Variants in FAF1 observed in about 807,000 individuals in gnomAD.
FAF1 encodes FAS-associated factor 1.
In FAF1, 25 loss-of-function variants were observed where a neutral mutation model predicts 92.5. The ratio of observed to expected loss-of-function variants is 0.27; its 90% CI spans 0.20 to 0.38. The LOEUF (loss-of-function observed/expected upper bound fraction) is 0.38, where lower values mean the gene tolerates loss of function less well. Ranked by LOEUF, FAF1 falls within the 10% of genes least tolerant of loss-of-function variation. FAF1 has a pLI of 1.00. For missense variants in FAF1, 636 were observed against 793.3 expected (o/e 0.80, Z 2.38); for synonymous variants, 234 against 273.2 (o/e 0.86, Z 1.42).
chr1:50,491,857 G>T, intron 15 of FAF1, 56 bp from the exon 16 acceptor site: 1 of 1,365,412 alleles, frequency 7.3e-7, no homozygotes, highest in Non-Finnish European at 1.0e-6. Flanking sequence ...TGAAAAAAAA[G>T]AGAAAAAAAA....
Position 50,754,401 on chromosome 1 carries a change from C to T in FAF1, c.368-9626G>A, listed in dbSNP as rs74080072. On this transcript the variant is annotated intron_variant, in intron 4 of 18. Coordinates refer to ENST00000396153, the MANE Select transcript of FAF1 (RefSeq NM_007051.3). ...CTTCTGAGTAGTGTAACCAAAGCCA[C>T]ATGAATTATGAGGTTTTCCAATCTA... Among the ~76,000 whole-genome samples, 1,220 of 152,290 alleles carry T rather than the reference C, an allele frequency of 8.0e-3. 14 individuals are homozygous for T. Among genetic ancestry groups the T allele is most frequent in the African/African-American group, 0.028 (1,178 of 41,556 alleles).
At chr1:50,564,092 A>G (rs1233063460) in intron 13 of FAF1, among the ~76,000 whole-genome samples, 1 of 152,190 alleles carries the variant, frequency 6.6e-6, no homozygotes, top group East Asian at 1.9e-4. Flanking sequence ...TACATACATG[A>G]GAGATCCACA....
At chr1:50,625,637 T>A (rs1455054011) in intron 8 of FAF1, among the ~76,000 whole-genome samples, 1 of 151,998 alleles carries the variant, frequency 6.6e-6, no homozygotes, top group Non-Finnish European at 1.5e-5. Flanking sequence ...AGAAATGATA[T>A]GCATAATGGC....
intron 6 of FAF1, among the ~76,000 whole-genome samples, chr1:50,738,438 C>T (rs1043117124): frequency 5.5e-4 from 67 of 122,352 alleles, no homozygotes; most frequent in African/African-American, 1.7e-3. Context: ...AGTGAAACTC[C>T]GTCGCAAAAA....
At chr1:50,448,943 T>A (rs1646261075) in intron 18 of FAF1, among the ~76,000 whole-genome samples, 1 of 152,060 alleles carries the variant, frequency 6.6e-6, no homozygotes, top group African/African-American at 2.4e-5. Flanking sequence ...ACAGCTTTTT[T>A]TTTTTTTTTT....
intron 8 of FAF1, among the ~76,000 whole-genome samples, chr1:50,627,922 A>G (rs1042985371): frequency 6.6e-6 from 1 of 152,180 alleles, no homozygotes; most frequent in African/African-American, 2.4e-5. Context: ...ATTCGTACCT[A>G]AAGAAAAGCT....
At chr1:50,874,421 G>A (rs1000663277) in intron 1 of FAF1, among the ~76,000 whole-genome samples, 1 of 152,028 alleles carries the variant, frequency 6.6e-6, no homozygotes, top group African/African-American at 2.4e-5. Flanking sequence ...GAGTATAGTA[G>A]TGTGATCACA....
At chr1:50,794,373 T>C (rs999067799) in intron 3 of FAF1, among the ~76,000 whole-genome samples, 1 of 152,212 alleles carries the variant, frequency 6.6e-6, no homozygotes, top group Non-Finnish European at 1.5e-5. Flanking sequence ...ATGATAACCC[T>C]GAAAGACAGC....
At chr1:50,576,418 G>A (rs1650736650) in intron 12 of FAF1, among the ~76,000 whole-genome samples, 1 of 152,154 alleles carries the variant, frequency 6.6e-6, no homozygotes, top group Non-Finnish European at 1.5e-5. Flanking sequence ...TAATATCAAA[G>A]CTCAGACTCC....
intron 15 of FAF1, among the ~76,000 whole-genome samples, chr1:50,517,360 TCA>T (rs1000395966): frequency 3.9e-5 from 6 of 152,198 alleles, no homozygotes; most frequent in African/African-American, 1.2e-4. Flanking sequence ...CATATAGGTC[TCA>T]GTTTCCTAAA....
intron 15 of FAF1, among the ~76,000 whole-genome samples, chr1:50,499,366 T>C: frequency 6.6e-6 from 1 of 150,898 alleles, no homozygotes; most frequent in South Asian, 2.1e-4. Context: ...CTGTAGGGTT[T>C]TTTTTTTTTT....
intron 6 of FAF1, among the ~76,000 whole-genome samples, chr1:50,727,871 T>A (rs959465001): frequency 1.3e-5 from 2 of 152,124 alleles, no homozygotes. Context: ...CTTACACTAG[T>A]GGTTTGCCAG....
At chr1:50,561,094 A>G (rs1434682754) in intron 13 of FAF1, among the ~76,000 whole-genome samples, 3 of 152,156 alleles carry the variant, frequency 2.0e-5, no homozygotes, top group South Asian at 2.1e-4. Context: ...TTCTCCCACC[A>G]TTGTAGAAGG....
intron 9 of FAF1, among the ~76,000 whole-genome samples, chr1:50,587,631 A>C (rs768742736): frequency 9.8e-4 from 149 of 152,360 alleles, no homozygotes; most frequent in Admixed American, 3.9e-3. Flanking sequence ...AAACAGCTAA[A>C]AAATTAGTGA....
chr1:50,485,152 G>A (rs1038532816), intron 17 of FAF1, among the ~76,000 whole-genome samples: 1 of 151,108 alleles, frequency 6.6e-6, no homozygotes, highest in African/African-American at 2.4e-5. Context: ...ATAGAGATAG[G>A]GTCTTGCCAT....
Position 50,583,261 on chromosome 1 carries a change from T to G in FAF1, c.1031+391A>C, listed in dbSNP as rs537209091. 6.7e-6 allele frequency among the ~76,000 whole-genome samples: 1 copy of G among 149,244 alleles called. No individual in the cohort carries two copies. The highest frequency in any genetic ancestry group is 1.5e-5 in the Non-Finnish European group (1 of 67,756). On this transcript the variant is annotated intron_variant, in intron 11 of 18. Transcript: ENST00000396153. This position sits in a 1 kb window ranked among gnomAD's most constrained non-coding sequence, Gnocchi z 4.2. The stretch of plus-strand genomic sequence containing the variant: ...GTAAAGCAATTCCAAAAGAAAAAAA[T>G]AAAGGAAAAAATTCACTTGGATTTA...
intron 2 of FAF1, among the ~76,000 whole-genome samples, chr1:50,818,648 A>C (rs1644000848): frequency 6.6e-6 from 1 of 152,188 alleles, no homozygotes; most frequent in Admixed American, 6.5e-5. Flanking sequence ...ATACAGCTTG[A>C]GTCTCCCTTA....
At chr1:50,835,987 C>T (rs1452323799) in intron 2 of FAF1, among the ~76,000 whole-genome samples, 1 of 152,032 alleles carries the variant, frequency 6.6e-6, no homozygotes, top group Non-Finnish European at 1.5e-5. Context: ...GAAGTCTGGG[C>T]ACAAAAGTAG....
chr1:50,621,391 CTTTTTTTT>C (rs36053834), intron 8 of FAF1, among the ~76,000 whole-genome samples: 20 of 89,218 alleles, frequency 2.2e-4, no homozygotes, highest in South Asian at 3.8e-4. Context: ...TTCTTTTTTT[CTTTTTTTT>C]TTTTTTTTTT....
Sources: allele counts gnomAD v4.1 joint callset (sites outside exome capture counted in the v4.1 genomes callset), GRCh38; gene constraint gnomAD v4.1.1; non-coding constraint Gnocchi (gnomAD v3.1); transcripts MANE v1.5; gene names NCBI Gene and HGNC (gene_info 2026-07-23, HGNC 2026-07-21).